Variants in TSPAN9 observed in about 807,000 individuals in gnomAD.
The protein encoded by TSPAN9 is tetraspanin-9.
TSPAN9 carries 16 observed loss-of-function variants against 31.0 expected under a neutral mutation model. The ratio of observed to expected loss-of-function variants is 0.52; its 90% CI spans 0.35 to 0.78. The LOEUF (loss-of-function observed/expected upper bound fraction) is 0.78. Among genes scored for constraint, TSPAN9 ranks in the 30% least tolerant of loss-of-function variants. TSPAN9 has a pLI of 0.01. For missense variants in TSPAN9, 272 were observed against 312.5 expected, an observed-to-expected ratio of 0.87 and a Z score of 0.98; for synonymous variants, 145 against 121.6, an observed-to-expected ratio of 1.19 and a Z score of -1.27.
chr12:3,189,304 C>A (rs1013630667), intron 2 of TSPAN9, among the ~76,000 whole-genome samples: 1 of 152,170 alleles, frequency 6.6e-6, no homozygotes. Context: ...GCAGAGGGCA[C>A]AGCTCTGGGA....
chr12:3,105,135 A>G (rs1044297436), intron 2 of TSPAN9, among the ~76,000 whole-genome samples: 8 of 152,166 alleles, frequency 5.3e-5, no homozygotes, highest in Non-Finnish European at 1.2e-4. Context: ...CTCTGGGCCT[A>G]CAGGACCCTG....
chr12:3,264,348 C>T (rs1235541874), intron 3 of TSPAN9, among the ~76,000 whole-genome samples: 1 of 152,260 alleles, frequency 6.6e-6, no homozygotes, highest in Non-Finnish European at 1.5e-5. Context: ...CTCAACCCAC[C>T]TCCTCTGGAG....
chr12:3,102,435 A>AT (rs33918863), intron 2 of TSPAN9, among the ~76,000 whole-genome samples: 30,222 of 135,224 alleles, frequency 0.22, 3,834 homozygotes, highest in African/African-American at 0.33. Context: ...CCAAGGAGGA[A>AT]TTTTTTTTTT....
At chr12:3,217,338 G>A (rs2098381894) in intron 3 of TSPAN9, among the ~76,000 whole-genome samples, 1 of 152,200 alleles carries the variant, frequency 6.6e-6, no homozygotes, top group African/African-American at 2.4e-5. Flanking sequence ...ACCGGCAAGG[G>A]AGGTGGTCAG....
intron 3 of TSPAN9, among the ~76,000 whole-genome samples, chr12:3,223,271 G>A (rs1395305005): frequency 6.6e-6 from 1 of 152,208 alleles, no homozygotes; most frequent in African/African-American, 2.4e-5. Flanking sequence ...CAATTACAGT[G>A]AAATTCTGTG....
intron 3 of TSPAN9, among the ~76,000 whole-genome samples, chr12:3,264,266 G>A (rs1862502994): frequency 6.6e-6 from 1 of 152,152 alleles, no homozygotes; most frequent in Admixed American, 6.5e-5. Context: ...AAGGGGGTGG[G>A]GACCCAGTCT....
chr12:3,204,805 G>T (rs1729769080), intron 3 of TSPAN9, among the ~76,000 whole-genome samples: 1 of 152,204 alleles, frequency 6.6e-6, no homozygotes, highest in Non-Finnish European at 1.5e-5. Flanking sequence ...CTGTTCTCCA[G>T]TAAGCACACT....
intron 2 of TSPAN9, among the ~76,000 whole-genome samples, chr12:3,101,439 A>G (rs1036913803): frequency 3.9e-5 from 6 of 152,062 alleles, no homozygotes; most frequent in South Asian, 2.1e-4. Context: ...GTTGCATGAG[A>G]TATCTCTTAG....
At chr12:3,118,986 A>G (rs538109288) in intron 2 of TSPAN9, among the ~76,000 whole-genome samples, 30 of 152,246 alleles carry the variant, frequency 2.0e-4, no homozygotes, top group African/African-American at 7.2e-4. Flanking sequence ...ACCCTGGAGT[A>G]TGGATGGAGT....
rs186320696 is a variant in TSPAN9, at chr12:3,262,720, C to T, written c.64-15701C>T. 4.6e-5 allele frequency among the ~76,000 whole-genome samples: 7 copies of T among 151,514 alleles called. No homozygotes were observed. The East Asian group carries it at 9.7e-4, about 21-fold the overall frequency. ...ATTGGTCAGAGGCCGCGCACAGCTC[C>T]GCTCGTTCCAGGTGAGTAAAGCGCC... On this transcript the variant is annotated intron_variant, in intron 3 of 8. Coordinates refer to ENST00000011898, the MANE Select transcript of TSPAN9 (RefSeq NM_006675.5).
At chr12:3,082,403 CT>C (rs2098298386) in intron 1 of TSPAN9, among the ~76,000 whole-genome samples, 1 of 152,194 alleles carries the variant, frequency 6.6e-6, no homozygotes, top group African/African-American at 2.4e-5. Context: ...TGTGTGTGGC[CT>C]TCAAATCACC....
chr12:3,125,890 C>T (rs1279387358), intron 2 of TSPAN9, among the ~76,000 whole-genome samples: 3 of 152,096 alleles, frequency 2.0e-5, no homozygotes, highest in Non-Finnish European at 4.4e-5. Context: ...GGATTATGAA[C>T]GAGGACTCAG....
At chr12:3,086,185 C>T (rs746576213) in intron 2 of TSPAN9, among the ~76,000 whole-genome samples, 1 of 152,206 alleles carries the variant, frequency 6.6e-6, no homozygotes, top group Non-Finnish European at 1.5e-5. Flanking sequence ...GCTCTCAAAC[C>T]AAAAGTGTAA....
chr12:3,092,929 A>G (rs1034638154), intron 2 of TSPAN9, among the ~76,000 whole-genome samples: 15 of 152,202 alleles, frequency 9.9e-5, no homozygotes, highest in Admixed American at 4.6e-4. Flanking sequence ...CACCACGCCC[A>G]GGGCTGGGGG....
chr12:3,241,886 GC>G (rs144099655), intron 3 of TSPAN9, among the ~76,000 whole-genome samples: 8,988 of 152,280 alleles, frequency 0.059, 365 homozygotes, highest in Non-Finnish European at 0.077. Flanking sequence ...CCTCTCCCCT[GC>G]CCCCTCCCCA....
At chr12:3,222,938 C>G (rs1444665561) in intron 3 of TSPAN9, among the ~76,000 whole-genome samples, 1 of 152,052 alleles carries the variant, frequency 6.6e-6, no homozygotes, top group Admixed American at 6.6e-5. Flanking sequence ...ACCCGGGGAG[C>G]CATCACTGGA....
At chr12:3,222,080 T>G (rs1325385767) in intron 3 of TSPAN9, among the ~76,000 whole-genome samples, 3 of 152,240 alleles carry the variant, frequency 2.0e-5, no homozygotes, top group Non-Finnish European at 4.4e-5. Context: ...CTGTTATGAA[T>G]GTATTTCCTT....
chr12:3,160,653 T>C (rs930211465), intron 2 of TSPAN9, among the ~76,000 whole-genome samples: 2 of 152,242 alleles, frequency 1.3e-5, no homozygotes, highest in Admixed American at 6.5e-5. Flanking sequence ...TCCTAGTGAG[T>C]GTGAAATGGT....
intron 3 of TSPAN9, among the ~76,000 whole-genome samples, chr12:3,254,303 C>G (rs868242492): frequency 6.6e-6 from 1 of 152,186 alleles, no homozygotes; most frequent in Non-Finnish European, 1.5e-5. Context: ...ACGCTCTCTT[C>G]CTTGCCCTCA....
Sources: gnomAD v4.1 joint callset for allele counts (sites outside exome capture counted in the v4.1 genomes callset) on GRCh38, gnomAD v4.1.1 for gene constraint, MANE v1.5 for transcripts, NCBI Gene and HGNC (gene_info 2026-07-23, HGNC 2026-07-21) for gene names.